MYO10: variants seen among roughly 807,000 people sequenced by gnomAD.
MYO10 encodes the protein myosin X.
In MYO10, 133 loss-of-function variants were observed where a neutral mutation model predicts 257.3. The ratio of observed to expected loss-of-function variants is 0.52; its 90% CI spans 0.45 to 0.60. The LOEUF (loss-of-function observed/expected upper bound fraction) is 0.60. MYO10 is among the 20% of genes least tolerant of loss of function. MYO10 has a pLI of 0.00. For synonymous variants in MYO10, 1,104 were observed against 1,028.6 expected (o/e 1.07, Z -1.40); for missense variants, 2,399 against 2,635.7 (o/e 0.91, Z 1.97).
At chr5:16,798,760 C>T (rs892268668) in intron 3 of MYO10, among the ~76,000 whole-genome samples, 1 of 151,666 alleles carries the variant, frequency 6.6e-6, no homozygotes, top group Non-Finnish European at 1.5e-5. Flanking sequence ...ATTTTTTTCC[C>T]TACTGTGACA....
intron 22 of MYO10, among the ~76,000 whole-genome samples, chr5:16,704,093 G>C (rs912024769): frequency 6.6e-6 from 1 of 151,818 alleles, no homozygotes; most frequent in African/African-American, 2.4e-5. Flanking sequence ...TTGTCAGCCG[G>C]GAGGATCCCA....
intron 21 of MYO10, among the ~76,000 whole-genome samples, chr5:16,708,526 G>T (rs1738448600): frequency 6.6e-6 from 1 of 152,148 alleles, no homozygotes; most frequent in Admixed American, 6.5e-5. Context: ...TTACTCCACT[G>T]TAGAAGGCAG....
At chr5:16,702,725 T>A in intron 23 of MYO10, 137 bp from the exon 24 acceptor site, 2 of 951,538 alleles carry the variant, frequency 2.1e-6, no homozygotes, top group Non-Finnish European at 3.1e-6. Context: ...GGCCATGGAT[T>A]TATTCTGTAT....
chr5:16,792,065 G>T (rs1362792170), intron 4 of MYO10, among the ~76,000 whole-genome samples: 1 of 151,016 alleles, frequency 6.6e-6, no homozygotes, highest in African/African-American at 2.4e-5. Context: ...CGAGAAGACA[G>T]TACCTCTGCC....
intron 19 of MYO10, among the ~76,000 whole-genome samples, chr5:16,738,599 AAC>A (rs2126628402): frequency 6.6e-6 from 1 of 151,546 alleles, no homozygotes; most frequent in South Asian, 2.1e-4. Context: ...AAACAACAAC[AAC>A]AAAAAAAGAG....
At chr5:16,671,314 C>T in intron 38 of MYO10, 108 bp downstream of exon 38, 1 of 1,350,168 alleles carries the variant, frequency 7.4e-7, no homozygotes, top group Non-Finnish European at 1.0e-6. Flanking sequence ...CTGGGAAATC[C>T]ACAGGTGTGC....
In MYO10 at chr5:16,726,112, T is replaced by G. The variant is rs528551421; in HGVS notation, c.1930-14867A>C. Among the ~76,000 whole-genome samples, 620 of 152,296 alleles carry G rather than the reference T, an allele frequency of 4.1e-3. 3 individuals carry two copies. Among genetic ancestry groups the G allele is most frequent in the Non-Finnish European group, 6.7e-3 (455 of 68,018 alleles). On this transcript the variant is annotated intron_variant, in intron 19 of 40. Transcript: ENST00000513610. ...ACTCAAGTCTTTTAACATTAAATCCTTGCAGATCATGCCAGATCTCCCCTA... is the reference window on the plus strand; with the variant it reads ...ACTCAAGTCTTTTAACATTAAATCCGTGCAGATCATGCCAGATCTCCCCTA...
intron 19 of MYO10, among the ~76,000 whole-genome samples, chr5:16,720,968 C>T (rs1739132467): frequency 6.6e-6 from 1 of 152,100 alleles, no homozygotes; most frequent in Admixed American, 6.6e-5. Context: ...ATGTGTGGGG[C>T]AGGGGGCACT....
intron 2 of MYO10, among the ~76,000 whole-genome samples, chr5:16,856,107 C>G (rs73754018): frequency 4.9e-4 from 74 of 152,334 alleles, no homozygotes; most frequent in African/African-American, 1.7e-3. Flanking sequence ...CGCCTGCATT[C>G]AAGTCTTCAT....
chr5:16,780,841 C>G, intron 6 of MYO10, 100 bp from the exon 7 acceptor site: 1 of 1,217,414 alleles, frequency 8.2e-7, no homozygotes, highest in Non-Finnish European at 1.1e-6. Context: ...CAAATAATTA[C>G]AGTTCCCTGT....
At chr5:16,832,840 T>C (rs1166861971) in intron 2 of MYO10, among the ~76,000 whole-genome samples, 1 of 152,186 alleles carries the variant, frequency 6.6e-6, no homozygotes. Flanking sequence ...TGTGGCTACT[T>C]CCTTACCCCT....
Position 16,935,869 on chromosome 5 carries a change from C to T in MYO10, c.-61G>A, listed in dbSNP as rs977125726. 6 of 1,599,986 alleles carry T rather than the reference C, an allele frequency of 3.8e-6. No individual in the cohort carries two copies. In the African/African-American group the frequency reaches 8.0e-5, roughly 21 times the overall value. On this transcript the variant is annotated 5_prime_UTR_variant, in exon 1 of 41. Transcript: ENST00000513610. ...TCCGACTCGCGGAAGTCAGCGCCGC[C>T]GCGGGTCCGGGGAAACCATGCGTGT...
At position 16,762,536 on chromosome 5, in the gene MYO10, T is replaced by TCA; in HGVS notation, c.1587+8_1587+9insTG. 3 of 1,589,210 alleles carry TCA rather than the reference T, an allele frequency of 1.9e-6. No homozygotes were observed. The highest frequency in any genetic ancestry group is 2.6e-6 in the Non-Finnish European group (3 of 1,164,494). On this transcript the variant is annotated intron_variant, in intron 15 of 40. Coordinates refer to ENST00000513610, the MANE Select transcript of MYO10 (RefSeq NM_012334.3). ...CCAATGTGATGAAGAATTGCAGGTT[T>TCA]TGACATACCGCATGCTGACTGTGTA...
chr5:16,845,789 C>A (rs1743616991), intron 2 of MYO10, among the ~76,000 whole-genome samples: 1 of 152,018 alleles, frequency 6.6e-6, no homozygotes, highest in Admixed American at 6.6e-5. Context: ...CATGGTGAAA[C>A]CCCATCTCTA....
intron 16 of MYO10, 129 bp from the exon 17 acceptor site, chr5:16,761,675 G>T: frequency 1.4e-6 from 1 of 737,092 alleles, no homozygotes. Context: ...TTAAGAGACA[G>T]GGTCTTGCTC....
chr5:16,914,908 T>A (rs1745773123), intron 1 of MYO10, among the ~76,000 whole-genome samples: 1 of 152,160 alleles, frequency 6.6e-6, no homozygotes, highest in Admixed American at 6.5e-5. Context: ...CGCAGCTGAT[T>A]AGAAATTAAT....
intron 4 of MYO10, among the ~76,000 whole-genome samples, chr5:16,784,049 G>A (rs1579987037): frequency 1.3e-5 from 2 of 152,284 alleles, no homozygotes; most frequent in East Asian, 3.9e-4. Flanking sequence ...CTGATCCAAA[G>A]TCCTGCCAAG....
At chr5:16,928,186 ATTTTG>A (rs937860645) in intron 1 of MYO10, among the ~76,000 whole-genome samples, 3 of 152,044 alleles carry the variant, frequency 2.0e-5, no homozygotes, top group Admixed American at 6.6e-5. Context: ...TAAGTGCTTT[ATTTTG>A]TTTTAATATT....
intron 2 of MYO10, among the ~76,000 whole-genome samples, chr5:16,868,817 A>G (rs1465189244): frequency 6.6e-6 from 1 of 152,202 alleles, no homozygotes; most frequent in Non-Finnish European, 1.5e-5. Flanking sequence ...AGTATAAGTT[A>G]CAAGTCAAAT....
Sources: allele counts gnomAD v4.1 joint callset (sites outside exome capture counted in the v4.1 genomes callset), GRCh38; gene constraint gnomAD v4.1.1; transcripts MANE v1.5; gene names NCBI Gene and HGNC (gene_info 2026-07-23, HGNC 2026-07-21).